The following SH3RF3 variants were observed in gnomAD, a reference collection of about 807,000 sequenced individuals.
SH3RF3 encodes SH3 domain containing ring finger 3.
Under a neutral mutation model 66.3 loss-of-function variants are expected in SH3RF3, and 29 were observed. The observed-to-expected ratio is 0.44, with a 90% CI of 0.33 to 0.60. The LOEUF is 0.60. Among genes scored for constraint, SH3RF3 ranks in the 20% least tolerant of loss-of-function variants. SH3RF3 has a pLI of 0.04. For missense variants in SH3RF3, 1,194 were observed against 1,190.9 expected (o/e 1.00, Z -0.04); for synonymous variants, 583 against 532.0 (o/e 1.10, Z -1.32).
intron 3 of SH3RF3, among the ~76,000 whole-genome samples, chr2:109,395,229 ACTC>A (rs1358793966): frequency 6.6e-6 from 1 of 151,460 alleles, no homozygotes; most frequent in Non-Finnish European, 1.5e-5. Flanking sequence ...GTGGAAAATG[ACTC>A]CTCAGTCCCA....
chr2:109,446,085 G>C (rs562460761), intron 7 of SH3RF3, among the ~76,000 whole-genome samples: 1 of 152,124 alleles, frequency 6.6e-6, no homozygotes, highest in Non-Finnish European at 1.5e-5. Flanking sequence ...CATCACTAAC[G>C]AGTAGTCCCA....
At chr2:109,175,444 G>A (rs1405438225) in intron 1 of SH3RF3, among the ~76,000 whole-genome samples, 1 of 152,212 alleles carries the variant, frequency 6.6e-6, no homozygotes, top group African/African-American at 2.4e-5. Context: ...TGTGTAACCA[G>A]GAAGCTTCAC....
At chr2:109,470,442 C>T (rs1481740203) in intron 8 of SH3RF3, among the ~76,000 whole-genome samples, 3 of 152,226 alleles carry the variant, frequency 2.0e-5, no homozygotes, top group African/African-American at 4.8e-5. Context: ...CCTTATTGCA[C>T]GTCTGGGGAG....
intron 1 of SH3RF3, among the ~76,000 whole-genome samples, chr2:109,346,677 A>C (rs1445052186): frequency 2.0e-5 from 3 of 152,128 alleles, no homozygotes; most frequent in African/African-American, 7.2e-5. Context: ...AAGACATCAC[A>C]TCAGTTTCCG....
intron 1 of SH3RF3, among the ~76,000 whole-genome samples, chr2:109,280,443 G>A (rs1419998879): frequency 6.6e-6 from 1 of 152,180 alleles, no homozygotes; most frequent in Non-Finnish European, 1.5e-5. Flanking sequence ...TGGACGCTCA[G>A]CAATAGGAAG....
At chr2:109,246,432 C>T (rs945667110) in intron 1 of SH3RF3, among the ~76,000 whole-genome samples, 4 of 152,188 alleles carry the variant, frequency 2.6e-5, no homozygotes, top group Non-Finnish European at 5.9e-5. Flanking sequence ...CCCTCACGAT[C>T]CGGTCACCTC....
chr2:109,138,773 T>C (rs1170516696), intron 1 of SH3RF3, among the ~76,000 whole-genome samples: 1 of 152,228 alleles, frequency 6.6e-6, no homozygotes, highest in Non-Finnish European at 1.5e-5. Flanking sequence ...GTGCTGCTCT[T>C]GAAGACTGGC....
At chr2:109,462,399 C>T (rs140974171) in intron 8 of SH3RF3, among the ~76,000 whole-genome samples, 5 of 152,158 alleles carry the variant, frequency 3.3e-5, no homozygotes, top group South Asian at 2.1e-4. Flanking sequence ...GCTTAAACAA[C>T]GAAACCATAC....
At chr2:109,231,443 G>A (rs1308787395) in intron 1 of SH3RF3, among the ~76,000 whole-genome samples, 1 of 152,210 alleles carries the variant, frequency 6.6e-6, no homozygotes, top group Admixed American at 6.5e-5. Context: ...CTTTTCTCGT[G>A]CAGACCAAGT....
rs182871972 is a variant in SH3RF3 at position 109,481,935 on chromosome 2, A to C, written c.2149-8670A>C. 1.2e-4 allele frequency among the ~76,000 whole-genome samples: 19 copies of C among 152,320 alleles called. 1 individual carries two copies. The East Asian group carries it at 3.3e-3, about 26-fold the overall frequency. On this transcript the variant is annotated intron_variant, in intron 8 of 9. Transcript: ENST00000309415. The stretch of plus-strand genomic sequence containing the variant: ...GTTTGGTAATGGTCGTTGTATGTGA[A>C]TGCCTCTGTGCTCCCCTACAAAATG...
chr2:109,496,020 A>G (rs1679248589), intron 9 of SH3RF3, among the ~76,000 whole-genome samples: 1 of 152,180 alleles, frequency 6.6e-6, no homozygotes, highest in South Asian at 2.1e-4. Flanking sequence ...GTGAAGAGCA[A>G]AGGACAAAGC....
chr2:109,487,921 T>C (rs1679025560), intron 8 of SH3RF3, among the ~76,000 whole-genome samples: 1 of 152,214 alleles, frequency 6.6e-6, no homozygotes, highest in African/African-American at 2.4e-5. Context: ...ACGACCCCTG[T>C]ACTTCCAAAG....
intron 4 of SH3RF3, among the ~76,000 whole-genome samples, chr2:109,410,171 C>CCG (rs1336055477): frequency 2.0e-5 from 3 of 152,218 alleles, no homozygotes; most frequent in Non-Finnish European, 4.4e-5. Flanking sequence ...AATCGGGGAA[C>CCG]CGCGGCCACA....
At chr2:109,230,653 C>T (rs1452841837) in intron 1 of SH3RF3, among the ~76,000 whole-genome samples, 1 of 152,186 alleles carries the variant, frequency 6.6e-6, no homozygotes, top group African/African-American at 2.4e-5. Flanking sequence ...GGGGTTATGT[C>T]CTGATAAACC....
intron 1 of SH3RF3, among the ~76,000 whole-genome samples, chr2:109,249,543 C>CTT (rs1491514709): frequency 9.1e-6 from 1 of 110,310 alleles, no homozygotes; most frequent in Admixed American, 9.1e-5. Flanking sequence ...TTCCTTCCTT[C>CTT]CTTCCTTCCT....
chr2:109,292,065 G>C (rs944930202), intron 1 of SH3RF3, among the ~76,000 whole-genome samples: 1 of 152,070 alleles, frequency 6.6e-6, no homozygotes, highest in Non-Finnish European at 1.5e-5. Flanking sequence ...AGGTTTCACC[G>C]TGTTAGCCAG....
At chr2:109,340,227 C>T (rs890673422) in intron 1 of SH3RF3, among the ~76,000 whole-genome samples, 1 of 152,100 alleles carries the variant, frequency 6.6e-6, no homozygotes, top group African/African-American at 2.4e-5. Context: ...TACTGGACCT[C>T]ACTGTGCTCC....
At chr2:109,452,692 G>A (rs565823578) in intron 8 of SH3RF3, among the ~76,000 whole-genome samples, 1 of 152,350 alleles carries the variant, frequency 6.6e-6, no homozygotes, top group East Asian at 1.9e-4. Flanking sequence ...CAGTGGCTAT[G>A]GTCAAGGTCC....
chr2:109,422,338 A>T (rs1188501841), intron 5 of SH3RF3, among the ~76,000 whole-genome samples: 1 of 152,298 alleles, frequency 6.6e-6, no homozygotes, highest in East Asian at 1.9e-4. Flanking sequence ...TCATGATTGC[A>T]TAGCTTTGAC....
Sources: gnomAD v4.1 joint callset for allele counts (sites outside exome capture counted in the v4.1 genomes callset) on GRCh38, gnomAD v4.1.1 for gene constraint, MANE v1.5 for transcripts, NCBI Gene and HGNC (gene_info 2026-07-23, HGNC 2026-07-21) for gene names.